The following ADD3 variants were observed in gnomAD, a reference collection of about 807,000 sequenced individuals.
ADD3 encodes gamma-adducin.
ADD3 carries 25 observed loss-of-function variants against 80.2 expected under a neutral mutation model. That is an observed-to-expected ratio of 0.31 (90% CI 0.23 to 0.44). The LOEUF is 0.44. Ranked by LOEUF, ADD3 falls within the 20% of genes least tolerant of loss-of-function variation. The pLI is 1.00. For synonymous variants in ADD3, 284 were observed against 289.6 expected (o/e 0.98, Z 0.20); for missense variants, 829 against 847.5 (o/e 0.98, Z 0.27).
In ADD3 at chr10:110,067,502, T is replaced by TTTAAAGAG. The variant is rs1844112634; in HGVS notation, c.-29-33123_-29-33122insTTAAAGAG. Among the ~76,000 whole-genome samples the TTTAAAGAG allele has an allele frequency of 5.9e-5, 9 of 152,344 alleles. No individual in the cohort carries two copies. The South Asian group carries it at 1.9e-3, about 32-fold the overall frequency. On this transcript the variant is annotated intron_variant, in intron 1 of 14. Transcript: ENST00000356080. ...GAATGAGTTTAAAGAGGTTGAGAAC[T>TTTAAAGAG]GTTTCAGATTAATAACTTGGAAATA... is the stretch of plus-strand genomic sequence containing the variant.
chr10:110,087,910 G>A (rs925665820), intron 1 of ADD3, among the ~76,000 whole-genome samples: 1 of 152,126 alleles, frequency 6.6e-6, no homozygotes, highest in Non-Finnish European at 1.5e-5. Context: ...GTGTTGGCAG[G>A]ATTGGTTCAT....
At chr10:110,059,475 CATAA>C (rs146762419) in intron 1 of ADD3, among the ~76,000 whole-genome samples, 2,990 of 151,688 alleles carry the variant, frequency 0.02, 105 homozygotes, top group African/African-American at 0.068. Flanking sequence ...GACTCTGTCT[CATAA>C]ATAAATAGGC....
At chr10:110,028,277 T>C (rs1251479029) in intron 1 of ADD3, among the ~76,000 whole-genome samples, 2 of 152,154 alleles carry the variant, frequency 1.3e-5, no homozygotes, top group East Asian at 3.9e-4. Context: ...TAGAAGTATA[T>C]TAAACAAACA....
At chr10:110,045,596 G>A (rs887419386) in intron 1 of ADD3, among the ~76,000 whole-genome samples, 7 of 152,034 alleles carry the variant, frequency 4.6e-5, no homozygotes, top group South Asian at 4.2e-4. Flanking sequence ...AAAAATGGAT[G>A]AACTAGAAAT....
intron 1 of ADD3, among the ~76,000 whole-genome samples, chr10:110,091,918 A>G (rs1270611914): frequency 6.6e-6 from 1 of 152,194 alleles, no homozygotes; most frequent in Non-Finnish European, 1.5e-5. Flanking sequence ...TTAAGAAAAT[A>G]GTCTCAAAGG....
intron 1 of ADD3, among the ~76,000 whole-genome samples, chr10:110,072,419 G>A (rs541583824): frequency 6.6e-6 from 1 of 152,266 alleles, no homozygotes; most frequent in South Asian, 2.1e-4. Flanking sequence ...AGGTCCTGAG[G>A]GGCCCTGCCC....
At chr10:110,032,902 A>T (rs180942209) in intron 1 of ADD3, among the ~76,000 whole-genome samples, 1 of 152,232 alleles carries the variant, frequency 6.6e-6, no homozygotes, top group Non-Finnish European at 1.5e-5. Context: ...ACCCAAGAAC[A>T]CACACATTAT....
At position 110,132,335 on chromosome 10, in the gene ADD3, C is replaced by G. The variant is rs551170650; in HGVS notation, c.1763C>G (p.Ala588Gly). ...DAEQELLSDD[A>G]SSVSQIQSQT... The stretch of plus-strand genomic sequence containing the variant: ...GAGCAGGAATTACTCTCAGATGACG[C>G]TTCATCTGTTTCACAAATTCAGTCT... The change falls in exon 14 of 15, where the codon GCT (alanine) becomes GGT (glycine). Residue 588 changes from alanine (A) to glycine (G), a missense_variant. Physicochemically the swap from Ala to Gly is moderately conservative, Grantham distance 60. Transcript: ENST00000356080. The G allele has an allele frequency of 1.1e-4, 172 of 1,613,832 alleles. 1 individual carries two copies. In the South Asian group the frequency reaches 1.7e-3, roughly 16 times the overall value.
chr10:110,027,749 C>G (rs997514951), intron 1 of ADD3, among the ~76,000 whole-genome samples: 2 of 152,008 alleles, frequency 1.3e-5, no homozygotes, highest in African/African-American at 2.4e-5. Context: ...TTGTATGCTC[C>G]CTCTATAATT....
intron 1 of ADD3, among the ~76,000 whole-genome samples, chr10:110,084,291 A>G (rs982085325): frequency 6.6e-6 from 1 of 152,248 alleles, no homozygotes; most frequent in Non-Finnish European, 1.5e-5. Context: ...AATGTTTTGT[A>G]TATTAATCAT....
chr10:109,997,077 A>G (rs1192083173), intron 1 of ADD3, among the ~76,000 whole-genome samples: 6 of 152,240 alleles, frequency 3.9e-5, no homozygotes, highest in Non-Finnish European at 8.8e-5. Context: ...TGGAAGAATA[A>G]GGCACAGAGC....
rs750807063 is a variant in ADD3 at position 110,100,349 on chromosome 10, C to CAAA, written c.-29-259_-29-257dup. ...TGGGTGACACAGTGAGACTCCATCT[C>CAAA]AAAAAAAAAAAAAAAAAAAGGCAGT... On this transcript the variant is annotated intron_variant, in intron 1 of 14. Transcript: ENST00000356080. 5.3e-3 allele frequency among the ~76,000 whole-genome samples: 400 copies of CAAA among 74,906 alleles called. 15 individuals are homozygous for CAAA. The highest frequency in any genetic ancestry group is 0.014 in the African/African-American group (340 of 23,910). The allele number at this position is 74,906 out of a possible 152,430, so 49.1% of individuals were successfully genotyped here.
At position 110,063,890 on chromosome 10, in the gene ADD3, C is replaced by A. The variant is rs1486266523; in HGVS notation, c.-29-36735C>A. On this transcript the variant is annotated intron_variant, in intron 1 of 14. Coordinates refer to ENST00000356080, the MANE Select transcript of ADD3 (RefSeq NM_016824.5). Reference sequence around the variant, plus strand: ...CTCTCTCTGCAAGGCAGCCATAATCCTGACATAATTTAGTTTTGAACATAC... The same window carrying A: ...CTCTCTCTGCAAGGCAGCCATAATCATGACATAATTTAGTTTTGAACATAC... 2.0e-5 allele frequency among the ~76,000 whole-genome samples: 3 copies of A among 150,310 alleles called. No homozygotes were observed. The South Asian group carries it at 6.3e-4, about 32-fold the overall frequency.
intron 1 of ADD3, among the ~76,000 whole-genome samples, chr10:110,043,311 G>T (rs1856575674): frequency 6.6e-6 from 1 of 151,960 alleles, no homozygotes; most frequent in Non-Finnish European, 1.5e-5. Context: ...CTCCTCCCAG[G>T]TTTCTTTTTT....
intron 1 of ADD3, among the ~76,000 whole-genome samples, chr10:110,024,324 C>G (rs1854028934): frequency 6.6e-6 from 1 of 152,072 alleles, no homozygotes; most frequent in South Asian, 2.1e-4. Flanking sequence ...CTTGAAACTT[C>G]AAAAGTAAAC....
At position 110,074,396 on chromosome 10, in the gene ADD3, A is replaced by T. The variant is rs61625098; in HGVS notation, c.-29-26229A>T. ...GGAGTAGACAGTTTGTCTTCTCTTC[A>T]TTGATCAAGCCCTAGACCCTAGTGG... On this transcript the variant is annotated intron_variant, in intron 1 of 14. Coordinates refer to ENST00000356080, the MANE Select transcript of ADD3 (RefSeq NM_016824.5). Among the ~76,000 whole-genome samples, 390 of 152,258 alleles carry T rather than the reference A, an allele frequency of 2.6e-3. 4 individuals carry two copies. The highest frequency in any genetic ancestry group is 9.0e-3 in the African/African-American group (373 of 41,548).
intron 1 of ADD3, among the ~76,000 whole-genome samples, chr10:110,082,273 G>C (rs1473185069): frequency 6.6e-6 from 1 of 151,522 alleles, no homozygotes; most frequent in African/African-American, 2.4e-5. Context: ...GAATACATTT[G>C]ACCATCAGTA....
intron 10 of ADD3, chr10:110,125,623 A>G (rs894508514): frequency 5.6e-6 from 2 of 358,194 alleles, no homozygotes; most frequent in Non-Finnish European, 5.0e-6. Context: ...GTGAATCGTA[A>G]TGGCATTTAT....
In ADD3 at chr10:110,125,843, C is replaced by T. The variant is rs145857085; in HGVS notation, c.1419C>T (p.Asp473=). 6.4e-5 allele frequency: 102 copies of T among 1,597,718 alleles called. No individual in the cohort carries two copies. In the African/African-American group the frequency reaches 8.3e-4, roughly 13 times the overall value. Residue 473 remains aspartate (D), a synonymous_variant, in exon 11 of 15, where the codon GAC becomes GAT. Coordinates refer to ENST00000356080, the MANE Select transcript of ADD3 (RefSeq NM_016824.5). ...TTCTTTAGTGGATGAAAGCAGAAGA[C>T]TCATCTAAAGTTAGTGGTGGAACAC... The part of the protein sequence containing the change: ...RTKITWMKAE[D]SSKVSGGTPI...
Sources: allele counts gnomAD v4.1 joint callset (sites outside exome capture counted in the v4.1 genomes callset), GRCh38; gene constraint gnomAD v4.1.1; transcripts MANE v1.5; gene names NCBI Gene and HGNC (gene_info 2026-07-23, HGNC 2026-07-21).